CLIC1: variants seen among roughly 807,000 people sequenced by gnomAD.
The protein encoded by CLIC1 is CLIC family member 1, also known as chloride intracellular channel protein 1.
Under a neutral mutation model 26.4 loss-of-function variants are expected in CLIC1, and 16 were observed. The observed-to-expected ratio is 0.61, with a 90% CI of 0.41 to 0.92. The LOEUF (loss-of-function observed/expected upper bound fraction) is 0.92. Among genes scored for constraint, CLIC1 ranks in the 40% least tolerant of loss-of-function variants. The pLI is 0.00. For missense variants in CLIC1, 225 were observed against 289.7 expected (o/e 0.78, Z 1.62); for synonymous variants, 98 against 120.8 (o/e 0.81, Z 1.24).
rs140471763 is a variant in CLIC1 at position 31,736,478 on chromosome 6, C to A, written c.-178G>T. ...AAACTAGGCCTCCCCACCAGCCCAACGCACCCCACACCCAGCTCCTCCAGC... is the reference window on the plus strand; with the variant it reads ...AAACTAGGCCTCCCCACCAGCCCAAAGCACCCCACACCCAGCTCCTCCAGC... On this transcript the variant is annotated 5_prime_UTR_variant, in exon 1 of 6. Coordinates refer to ENST00000375784, the Ensembl canonical transcript of CLIC1. The surrounding 1 kb of genome is among the most constrained non-coding windows in gnomAD (Gnocchi z 5.0). The A allele has an allele frequency of 3.5e-4, 491 of 1,416,674 alleles. 3 individuals carry two copies. The African/African-American group carries it at 5.5e-3, about 16-fold the overall frequency. 87.8% of individuals were successfully genotyped at this position (1,416,674 alleles called of 1,614,324 possible). A position where few individuals can be genotyped will look rare whatever the true frequency, so the allele number is the denominator to read the frequency against.
chr6:31,735,048 G>A (rs1224488666), intron 1 of CLIC1, among the ~76,000 whole-genome samples: 1 of 151,830 alleles, frequency 6.6e-6, no homozygotes, highest in Non-Finnish European at 1.5e-5. Context: ...CCCCGGAGGC[G>A]AATGTGAGAG....
Position 31,730,953 on chromosome 6 carries a change from T to C in CLIC1, c.615A>G (p.Gly205=). The C allele has an allele frequency of 6.2e-7, 1 of 1,612,926 alleles. No homozygotes were observed. The highest frequency in any genetic ancestry group is 8.5e-7 in the Non-Finnish European group (1 of 1,179,986). The change falls in exon 6 of 6, where the codon GGA becomes GGG. Residue 205 remains glycine, a synonymous_variant. Transcript: ENST00000375784. This position sits in a 1 kb window ranked among gnomAD's most constrained non-coding sequence, Gnocchi z 5.1. ...AGGCATTGCTCAAGTACCGATGCACTCCCCGGAAGGCCTCGGGGATGGTGA... is the reference window on the plus strand; with the variant it reads ...AGGCATTGCTCAAGTACCGATGCACCCCCCGGAAGGCCTCGGGGATGGTGA...
Position 31,732,441 on chromosome 6 carries a change from G to A in CLIC1, c.383-43C>T. On this transcript the variant is annotated intron_variant, in intron 4 of 5. Transcript: ENST00000375784. The surrounding 1 kb of genome is among the most constrained non-coding windows in gnomAD (Gnocchi z 5.0). ...CTGATTAGAACTTCAGGAAAAGATT[G>A]ACATAGTCCGAAAAGGCCCGTTGGG... is the stretch of plus-strand genomic sequence containing the variant. 7.2e-7 allele frequency: 1 copy of A among 1,386,736 alleles called. No homozygotes were observed. Among genetic ancestry groups the A allele is most frequent in the Non-Finnish European group, 9.4e-7 (1 of 1,062,640 alleles). The allele number at this position is 1,386,736 out of a possible 1,614,324, so 85.9% of individuals were successfully genotyped here. A position where few individuals can be genotyped will look rare whatever the true frequency, so the allele number is the denominator to read the frequency against.
chr6:31,735,941 C>A (rs900173767), intron 1 of CLIC1, among the ~76,000 whole-genome samples: 1 of 152,186 alleles, frequency 6.6e-6, no homozygotes. Flanking sequence ...CTGCTGGGCC[C>A]CCACTGTCCC....
Position 31,732,399 on chromosome 6 carries a change from C to A in CLIC1, c.383-1G>T. 1 of 1,523,944 alleles carries A rather than the reference C, an allele frequency of 6.6e-7. No individual in the cohort carries two copies. 94.4% of individuals were successfully genotyped at this position (1,523,944 alleles called of 1,614,324 possible). On this transcript the variant is annotated splice_acceptor_variant, in intron 4 of 5. Transcript: ENST00000375784. LOFTEE classifies it high-confidence loss of function. The surrounding 1 kb of genome is among the most constrained non-coding windows in gnomAD (Gnocchi z 5.0). ...GCTTTCAGGAGTCCCTTCTCCAGATCTGTGCAAGAGAGGGAACTGATTAGA... is the reference window on the plus strand; with the variant it reads ...GCTTTCAGGAGTCCCTTCTCCAGATATGTGCAAGAGAGGGAACTGATTAGA...
Position 31,736,075 on chromosome 6 carries a change from G to T in CLIC1, c.39+187C>A, listed in dbSNP as rs1235975421. On this transcript the variant is annotated intron_variant, in intron 1 of 5. Coordinates refer to ENST00000375784, the Ensembl canonical transcript of CLIC1. The surrounding 1 kb of genome is among the most constrained non-coding windows in gnomAD (Gnocchi z 5.0). ...TACAAACTTTTCAGGGTTGATCCTA[G>T]AATTCTCATTACTTGCTAACAAGTT... is the stretch of plus-strand genomic sequence containing the variant. Among the ~76,000 whole-genome samples the T allele has an allele frequency of 1.3e-5, 2 of 152,062 alleles. No homozygotes were observed. The highest frequency in any genetic ancestry group is 4.8e-5 in the African/African-American group (2 of 41,378).
In CLIC1 at chr6:31,734,966, G is replaced by T. The variant is rs779481215; in HGVS notation, c.40-703C>A. Among the ~76,000 whole-genome samples, 63 of 152,000 alleles carry T rather than the reference G, an allele frequency of 4.1e-4. No individual in the cohort carries two copies. The highest frequency in any genetic ancestry group is 6.6e-4 in the Admixed American group (10 of 15,262). On this transcript the variant is annotated intron_variant, in intron 1 of 5. Coordinates refer to ENST00000375784, the Ensembl canonical transcript of CLIC1. The surrounding 1 kb of genome is among the most constrained non-coding windows in gnomAD (Gnocchi z 5.3). ...GTCTCCCAGCACAAGTCCTCTGACT[G>T]CAATAACCATCCTCTCACAGGACAC...
chr6:31,731,180 T>C (rs982878159), intron 5 of CLIC1, among the ~76,000 whole-genome samples, 177 bp from the exon 6 acceptor site: 3 of 152,220 alleles, frequency 2.0e-5, no homozygotes, highest in African/African-American at 7.2e-5. Flanking sequence ...CCATTTTTCC[T>C]GAGTTTTTAA....
At chr6:31,736,780 A>G, upstream of CLIC1, 1 of 992,854 alleles carries the variant, frequency 1.0e-6, no homozygotes, top group Non-Finnish European at 1.2e-6. The surrounding 1 kb of genome is among the most constrained non-coding windows in gnomAD (Gnocchi z 5.0). Flanking sequence ...CCTCATATAA[A>G]AAACTTGACA....
chr6:31,733,440 G>A lies in CLIC1; in HGVS notation c.382+126C>T. 2 of 682,898 alleles carry A rather than the reference G, an allele frequency of 2.9e-6. No individual in the cohort carries two copies. Among genetic ancestry groups the A allele is most frequent in the African/African-American group, 3.6e-5 (2 of 55,620 alleles). 42.3% of individuals were successfully genotyped at this position (682,898 alleles called of 1,614,324 possible). A position where few individuals can be genotyped will look rare whatever the true frequency, so the allele number is the denominator to read the frequency against. On this transcript the variant is annotated intron_variant, in intron 4 of 5. Coordinates refer to ENST00000375784, the Ensembl canonical transcript of CLIC1. This position sits in a 1 kb window ranked among gnomAD's most constrained non-coding sequence, Gnocchi z 5.4. ...GAGGTAAAGCAAAAATGGGAAGCTG[G>A]GGGAAATTTACGAACATCTGCTTCA...
chr6:31,735,202 A>G (rs1169881183), intron 1 of CLIC1, among the ~76,000 whole-genome samples: 2 of 150,696 alleles, frequency 1.3e-5, no homozygotes, highest in Non-Finnish European at 3.0e-5. Context: ...AGAGAAACAA[A>G]AGGGGGGAAG....
chr6:31,733,408 A>G lies in CLIC1; in HGVS notation c.382+158T>C, dbSNP rs1018551251. On this transcript the variant is annotated intron_variant, in intron 4 of 5. Coordinates refer to ENST00000375784, the Ensembl canonical transcript of CLIC1. The surrounding 1 kb of genome is among the most constrained non-coding windows in gnomAD (Gnocchi z 5.4). Reference sequence around the variant, plus strand: ...AGTCTTGGCCAATGAAAATGCAGGGAAATATAGAGGTAAAGCAAAAATGGG... The same window carrying G: ...AGTCTTGGCCAATGAAAATGCAGGGGAATATAGAGGTAAAGCAAAAATGGG... Among the ~76,000 whole-genome samples the G allele has an allele frequency of 6.6e-5, 10 of 152,164 alleles. No homozygotes were observed. The highest frequency in any genetic ancestry group is 2.2e-4 in the African/African-American group (9 of 41,434).
intron 5 of CLIC1, 22 bp from the exon 6 acceptor site, chr6:31,731,025 G>C: frequency 6.2e-7 from 1 of 1,609,006 alleles, no homozygotes; most frequent in Non-Finnish European, 8.5e-7. Context: ...GAGAGGAGAG[G>C]GACCAACATG....
Position 31,736,178 on chromosome 6 carries a change from G to A in CLIC1, c.39+84C>T. 1 of 1,420,690 alleles carries A rather than the reference G, an allele frequency of 7.0e-7. No individual in the cohort carries two copies. The highest frequency in any genetic ancestry group is 9.9e-7 in the Non-Finnish European group (1 of 1,005,688). 88.0% of individuals were successfully genotyped at this position (1,420,690 alleles called of 1,614,324 possible). On this transcript the variant is annotated intron_variant, in intron 1 of 5. Coordinates refer to ENST00000375784, the Ensembl canonical transcript of CLIC1. The surrounding 1 kb of genome is among the most constrained non-coding windows in gnomAD (Gnocchi z 5.0). ...GGGGGTGGGAGTCAAGGAGGGAAGG[G>A]ATTGGGGAGTTAAGGCTGGACCGGG...
Position 31,734,339 on chromosome 6 carries a change from C to T in CLIC1, c.40-76G>A. On this transcript the variant is annotated intron_variant, in intron 1 of 5. Coordinates refer to ENST00000375784, the Ensembl canonical transcript of CLIC1. The surrounding 1 kb of genome is among the most constrained non-coding windows in gnomAD (Gnocchi z 5.3). ...CTAGGCCAGTCCCTGCATTCCCACT[C>T]CCAGACCAGCTGTTTTCTGCCTAGT... 9.3e-7 allele frequency: 1 copy of T among 1,072,038 alleles called. No homozygotes were observed. The highest frequency in any genetic ancestry group is 1.4e-6 in the Non-Finnish European group (1 of 708,288). The allele number at this position is 1,072,038 out of a possible 1,614,324, so 66.4% of individuals were successfully genotyped here.
In CLIC1 at chr6:31,732,948, C is replaced by G. The variant is rs1240286295; in HGVS notation, c.383-550G>C. Among the ~76,000 whole-genome samples the G allele has an allele frequency of 1.3e-5, 2 of 151,580 alleles. No individual in the cohort carries two copies. The highest frequency in any genetic ancestry group is 4.2e-4 in the South Asian group (2 of 4,788). ...ACCAGCCTGGCCAACATGGTGAAAC[C>G]CTGTCTCTACTAAAAATACAAAAAT... is the stretch of plus-strand genomic sequence containing the variant. On this transcript the variant is annotated intron_variant, in intron 4 of 5. Transcript: ENST00000375784. This position sits in a 1 kb window ranked among gnomAD's most constrained non-coding sequence, Gnocchi z 5.0.
chr6:31,734,394 G>C lies in CLIC1; in HGVS notation c.40-131C>G. ...ACACATACACTGTCCCCTCACTATG[G>C]GCTCTTTGCCCTTGGGCCTGGGTCA... On this transcript the variant is annotated intron_variant, in intron 1 of 5. Coordinates refer to ENST00000375784, the Ensembl canonical transcript of CLIC1. This position sits in a 1 kb window ranked among gnomAD's most constrained non-coding sequence, Gnocchi z 5.3. 1.4e-6 allele frequency: 1 copy of C among 703,230 alleles called. No homozygotes were observed. Among genetic ancestry groups the C allele is most frequent in the Non-Finnish European group, 2.5e-6 (1 of 406,042 alleles). The allele number at this position is 703,230 out of a possible 1,614,324, so 43.6% of individuals were successfully genotyped here.
chr6:31,734,991 C>A lies in CLIC1; in HGVS notation c.40-728G>T, dbSNP rs1420957410. Among the ~76,000 whole-genome samples, 1 of 152,008 alleles carries A rather than the reference C, an allele frequency of 6.6e-6. No homozygotes were observed. Among genetic ancestry groups the A allele is most frequent in the Non-Finnish European group, 1.5e-5 (1 of 67,998 alleles). On this transcript the variant is annotated intron_variant, in intron 1 of 5. Coordinates refer to ENST00000375784, the Ensembl canonical transcript of CLIC1. This position sits in a 1 kb window ranked among gnomAD's most constrained non-coding sequence, Gnocchi z 5.3. ...GCAATAACCATCCTCTCACAGGACA[C>A]AGGGCCGGAATCTCTGCGGCACAGC...
At chr6:31,735,882 T>C (rs527832896) in intron 1 of CLIC1, among the ~76,000 whole-genome samples, 118 of 149,226 alleles carry the variant, frequency 7.9e-4, no homozygotes, top group African/African-American at 2.6e-3. Flanking sequence ...CCTCAGATCT[T>C]GTAGGGACAC....
Sources: gnomAD v4.1 joint callset for allele counts (sites outside exome capture counted in the v4.1 genomes callset) on GRCh38, gnomAD v4.1.1 for gene constraint, Gnocchi (gnomAD v3.1) non-coding constraint, MANE v1.5 for transcripts, NCBI Gene and HGNC (gene_info 2026-07-23, HGNC 2026-07-21) for gene names.